PIK3C3: variants seen among roughly 807,000 people sequenced by gnomAD.
PIK3C3 encodes the protein PI3-kinase type 3.
Under a neutral mutation model 126.1 loss-of-function variants are expected in PIK3C3, and 95 were observed. The observed-to-expected ratio is 0.75, with a 90% confidence interval of 0.64 to 0.89. The LOEUF is 0.89. Ranked by LOEUF, PIK3C3 falls within the 40% of genes least tolerant of loss-of-function variation. The pLI, the probability that PIK3C3 is intolerant of heterozygous loss-of-function variation, is 0.00. For synonymous variants in PIK3C3, 374 were observed against 360.0 expected (o/e 1.04, Z -0.44); for missense variants, 829 against 1,063.2 (o/e 0.78, Z 3.06).
At chr18:41,970,625 A>G (rs1407581370) in intron 4 of PIK3C3, 169 bp downstream of exon 4, 1 of 680,008 alleles carries the variant, frequency 1.5e-6, no homozygotes, top group Non-Finnish European at 2.6e-6. Flanking sequence ...ACCCTTGGAA[A>G]GCATACAGTC....
At chr18:41,973,408 T>A (rs548901542) in intron 4 of PIK3C3, among the ~76,000 whole-genome samples, 37 of 152,228 alleles carry the variant, frequency 2.4e-4, no homozygotes, top group African/African-American at 6.5e-4. Flanking sequence ...TTTTGATACT[T>A]GTATGGTCTT....
intron 16 of PIK3C3, among the ~76,000 whole-genome samples, chr18:42,035,976 G>A (rs1476774011): frequency 2.0e-5 from 3 of 152,112 alleles, no homozygotes; most frequent in Admixed American, 1.3e-4. Context: ...TTAAATTTCA[G>A]ATGAAATCTA....
intron 21 of PIK3C3, 94 bp downstream of exon 21, chr18:42,049,699 C>G (rs980369624): frequency 9.8e-7 from 1 of 1,019,722 alleles, no homozygotes; most frequent in Admixed American, 1.8e-5. Context: ...TGCGGCCTGG[C>G]GCGGTGGCTC....
At chr18:41,986,724 G>T (rs1326328840) in intron 4 of PIK3C3, among the ~76,000 whole-genome samples, 1 of 151,904 alleles carries the variant, frequency 6.6e-6, no homozygotes, top group Admixed American at 6.6e-5. Flanking sequence ...TTTAGTTCCT[G>T]CTTTTTGTAA....
At chr18:41,957,790 A>C in intron 2 of PIK3C3, 32 bp downstream of exon 2, 1 of 1,532,016 alleles carries the variant, frequency 6.5e-7, no homozygotes, top group Admixed American at 1.9e-5. Context: ...GGTATGTTAC[A>C]GACTGTTCTT....
chr18:42,056,103 G>A (rs142351325), intron 21 of PIK3C3, among the ~76,000 whole-genome samples: 12 of 151,690 alleles, frequency 7.9e-5, no homozygotes, highest in Non-Finnish European at 1.5e-4. Context: ...TTCATTATGT[G>A]TATTTTTTGA....
intron 22 of PIK3C3, among the ~76,000 whole-genome samples, chr18:42,058,846 T>A (rs114049106): frequency 9.0e-4 from 137 of 152,326 alleles, no homozygotes; most frequent in African/African-American, 3.2e-3. Context: ...TCAGCCCAAC[T>A]ATGCAAAATG....
At chr18:42,053,125 T>G (rs1416623880) in intron 21 of PIK3C3, 1 of 152,274 alleles carries the variant, frequency 6.6e-6, no homozygotes, top group South Asian at 2.1e-4. Context: ...TGATATTTTT[T>G]GGGGACTTAA....
chr18:42,040,756 A>G lies in PIK3C3; in HGVS notation c.2103+15A>G. ...GAAGCATTCAGGTATGGTATCAATA[A>G]AGATTATGCAATTCATGAATATATT... is the stretch of plus-strand genomic sequence containing the variant. On this transcript the variant is annotated intron_variant, in intron 19 of 24. Coordinates refer to ENST00000262039, the MANE Select transcript of PIK3C3 (RefSeq NM_002647.4). 1 of 1,514,618 alleles carries G rather than the reference A, an allele frequency of 6.6e-7. No individual in the cohort carries two copies. Among genetic ancestry groups the G allele is most frequent in the Non-Finnish European group, 9.1e-7 (1 of 1,094,312 alleles). 93.8% of individuals were successfully genotyped at this position (1,514,618 alleles called of 1,614,324 possible).
At position 42,015,625 on chromosome 18, in the gene PIK3C3, T is replaced by C. The variant is rs927303822; in HGVS notation, c.1416+59T>C. On this transcript the variant is annotated intron_variant, in intron 12 of 24. Coordinates refer to ENST00000262039, the MANE Select transcript of PIK3C3 (RefSeq NM_002647.4). ...GAGATCCTACTGCATGAACATTTTA[T>C]ACTTGTCTTTAAAACCTCAATTTTG... The C allele has an allele frequency of 1.5e-5, 18 of 1,167,342 alleles. No individual in the cohort carries two copies. In the Admixed American group the frequency reaches 1.9e-4, roughly 12 times the overall value. 72.3% of individuals were successfully genotyped at this position (1,167,342 alleles called of 1,614,324 possible).
At chr18:42,035,270 A>G (rs964124052) in intron 16 of PIK3C3, among the ~76,000 whole-genome samples, 2 of 152,150 alleles carry the variant, frequency 1.3e-5, no homozygotes, top group Admixed American at 6.5e-5. Flanking sequence ...AGAACTCCCA[A>G]AGAAGACCAG....
intron 24 of PIK3C3, among the ~76,000 whole-genome samples, chr18:42,076,153 T>TGCAC (rs1986007301): frequency 8.5e-6 from 1 of 117,074 alleles, no homozygotes; most frequent in African/African-American, 3.6e-5. Flanking sequence ...TGCGCATATA[T>TGCAC]ATATATATGC....
intron 24 of PIK3C3, among the ~76,000 whole-genome samples, chr18:42,078,625 T>C (rs1170099498): frequency 6.7e-6 from 1 of 148,652 alleles, no homozygotes; most frequent in Non-Finnish European, 1.5e-5. Context: ...TTGACTTCCC[T>C]GTAGCGTGAA....
At chr18:42,015,450 A>T (rs751816025) in intron 11 of PIK3C3, 26 bp from the exon 12 acceptor site, 1 of 1,546,956 alleles carries the variant, frequency 6.5e-7, no homozygotes, top group East Asian at 2.2e-5. Flanking sequence ...TTTACATCTC[A>T]GTGATCTCTT....
intron 4 of PIK3C3, among the ~76,000 whole-genome samples, chr18:41,976,656 A>G (rs1980937150): frequency 6.6e-6 from 1 of 152,154 alleles, no homozygotes; most frequent in Admixed American, 6.5e-5. Flanking sequence ...CTGTTTTTGG[A>G]GATTATTGTG....
rs373791696 is a variant in PIK3C3 at position 42,083,892 on chromosome 18, G to A, written c.*2755G>A. 155 of 152,316 alleles carry A rather than the reference G, an allele frequency of 1.0e-3. No individual in the cohort carries two copies. Among genetic ancestry groups the A allele is most frequent in the African/African-American group, 3.6e-3 (151 of 41,566 alleles). The allele number at this position is 152,316 out of a possible 1,614,324, so 9.4% of individuals were successfully genotyped here. The stretch of plus-strand genomic sequence containing the variant: ...CATTTTTCACTGAGATAATGGTAGT[G>A]ATAGTACTGACCTCTAATGTGTGCA... On this transcript the variant is annotated 3_prime_UTR_variant, in exon 25 of 25. Coordinates refer to ENST00000262039, the MANE Select transcript of PIK3C3 (RefSeq NM_002647.4).
chr18:41,986,837 T>A (rs1438399793), intron 4 of PIK3C3, among the ~76,000 whole-genome samples: 1 of 152,130 alleles, frequency 6.6e-6, no homozygotes, highest in East Asian at 1.9e-4. Flanking sequence ...TACTTTTTTT[T>A]ATTACAATGA....
intron 9 of PIK3C3, 118 bp downstream of exon 9, chr18:41,996,848 C>A: frequency 1.6e-6 from 1 of 607,522 alleles, no homozygotes; most frequent in Non-Finnish European, 2.9e-6. Flanking sequence ...AGTTACAGAG[C>A]AGTATATATG....
intron 24 of PIK3C3, among the ~76,000 whole-genome samples, chr18:42,077,741 T>C (rs1481704633): frequency 6.6e-6 from 1 of 152,224 alleles, no homozygotes; most frequent in Non-Finnish European, 1.5e-5. Flanking sequence ...TTAATGTTGA[T>C]ATTTTCACCT....
Sources: gnomAD v4.1 joint callset for allele counts (sites outside exome capture counted in the v4.1 genomes callset) on GRCh38, gnomAD v4.1.1 for gene constraint, MANE v1.5 for transcripts, NCBI Gene and HGNC (gene_info 2026-07-23, HGNC 2026-07-21) for gene names.